TEKT5: variants seen among roughly 807,000 people sequenced by gnomAD.
TEKT5 encodes tektin-5.
Under a neutral mutation model 48.7 loss-of-function variants are expected in TEKT5, and 52 were observed. The observed-to-expected ratio is 1.07, with a 90% confidence interval of 0.86 to 1.35. TEKT5 has a LOEUF of 1.35. Ranked by LOEUF, TEKT5 falls within the 40% of genes most tolerant of loss-of-function variation. TEKT5 has a pLI of 0.00. For missense variants in TEKT5, 831 were observed against 641.6 expected (o/e 1.30, Z -3.19); for synonymous variants, 318 against 267.6 (o/e 1.19, Z -1.84).
At chr16:10,657,620 C>T (rs1413113760) in intron 5 of TEKT5, among the ~76,000 whole-genome samples, 2 of 149,018 alleles carry the variant, frequency 1.3e-5, no homozygotes, top group African/African-American at 2.5e-5. Context: ...GATGGAGTCT[C>T]GCTCAGTCAC....
At chr16:10,689,467 C>G (rs1898926419) in intron 2 of TEKT5, 144 bp from the exon 3 acceptor site, 1 of 615,422 alleles carries the variant, frequency 1.6e-6, no homozygotes, top group Admixed American at 2.9e-5. Flanking sequence ...GGCCCCGCCT[C>G]AATCCACGTG....
At chr16:10,653,445 C>A (rs1181766009) in intron 5 of TEKT5, among the ~76,000 whole-genome samples, 1 of 152,226 alleles carries the variant, frequency 6.6e-6, no homozygotes, top group Non-Finnish European at 1.5e-5. Context: ...CCTTCCTGAG[C>A]CTCTCTACAG....
chr16:10,627,679 G>C lies in TEKT5; in HGVS notation c.1362C>G (p.Leu454=), dbSNP rs766542611. 24 of 1,614,048 alleles carry C rather than the reference G, an allele frequency of 1.5e-5. No homozygotes were observed. The highest frequency in any genetic ancestry group is 1.1e-5 in the Non-Finnish European group (13 of 1,180,060). Residue 454 remains leucine, a synonymous_variant, in exon 7 of 7, where the codon CTC becomes CTG. Coordinates refer to ENST00000283025, the MANE Select transcript of TEKT5 (RefSeq NM_144674.2). ...TGCAGAGGGTGTTGGCCTTGATGGC[G>C]AGCTCGTGCTCCAGCCGGCACTTGG... is the stretch of plus-strand genomic sequence containing the variant. The part of the protein sequence containing the change: ...VMTKCRLEHE[L]AIKANTLCID...
At chr16:10,660,507 C>T (rs1567230398) in intron 5 of TEKT5, among the ~76,000 whole-genome samples, 1 of 152,146 alleles carries the variant, frequency 6.6e-6, no homozygotes, top group Non-Finnish European at 1.5e-5. Flanking sequence ...ACTCAGAACC[C>T]CTGACTGCTC....
At chr16:10,676,638 G>A (rs1217629274) in intron 4 of TEKT5, among the ~76,000 whole-genome samples, 2 of 152,104 alleles carry the variant, frequency 1.3e-5, no homozygotes, top group Non-Finnish European at 2.9e-5. Context: ...GCAGGCTTTG[G>A]GCCTGCTTCT....
At chr16:10,690,484 G>C (rs558695726) in intron 1 of TEKT5, 2 of 819,862 alleles carry the variant, frequency 2.4e-6, no homozygotes, top group Non-Finnish European at 2.9e-6. Context: ...CTCTCTGCTG[G>C]TTTCCTCCTC....
intron 4 of TEKT5, among the ~76,000 whole-genome samples, chr16:10,678,908 T>G (rs1309219052): frequency 6.6e-6 from 1 of 151,908 alleles, no homozygotes; most frequent in Non-Finnish European, 1.5e-5. Context: ...CTTTCTGGAG[T>G]CTTTGTTCTC....
chr16:10,662,416 C>T (rs184235316), intron 5 of TEKT5, among the ~76,000 whole-genome samples: 3 of 152,266 alleles, frequency 2.0e-5, no homozygotes, highest in East Asian at 1.9e-4. Context: ...TCAGCAACAA[C>T]GAGGAGGCGG....
intron 5 of TEKT5, among the ~76,000 whole-genome samples, chr16:10,636,271 G>A (rs1440349271): frequency 1.2e-4 from 19 of 152,010 alleles, no homozygotes; most frequent in African/African-American, 4.3e-4. Flanking sequence ...GCTACTCGGG[G>A]GACCGAGGCA....
At chr16:10,690,712 C>A in intron 1 of TEKT5, 1 of 985,384 alleles carries the variant, frequency 1.0e-6, no homozygotes, top group Non-Finnish European at 1.2e-6. Context: ...TCATGCAGAC[C>A]TGGGCAGAGC....
chr16:10,636,381 A>G (rs951757065), intron 5 of TEKT5, among the ~76,000 whole-genome samples: 2 of 151,670 alleles, frequency 1.3e-5, no homozygotes, highest in African/African-American at 4.8e-5. Context: ...GTCTCAAAAA[A>G]AAAAAAAGGG....
intron 5 of TEKT5, among the ~76,000 whole-genome samples, chr16:10,646,637 T>C (rs1025352932): frequency 5.3e-5 from 8 of 152,024 alleles, no homozygotes; most frequent in Non-Finnish European, 7.4e-5. Flanking sequence ...CTGTATTAGC[T>C]TAAGAAAAAA....
At chr16:10,693,511 C>A (rs1361430776) in intron 1 of TEKT5, among the ~76,000 whole-genome samples, 1 of 152,240 alleles carries the variant, frequency 6.6e-6, no homozygotes, top group East Asian at 1.9e-4. Context: ...TACCAGTCAG[C>A]ACCGACATTG....
chr16:10,654,933 T>TCC (rs1898233105), intron 5 of TEKT5, among the ~76,000 whole-genome samples: 4 of 49,200 alleles, frequency 8.1e-5, no homozygotes, highest in African/African-American at 3.3e-4. Context: ...CTCCCCCCCC[T>TCC]CCCCTCCCCC....
At position 10,690,230 on chromosome 16, in the gene TEKT5, C is replaced by T. The variant is rs73513839; in HGVS notation, c.565-205G>A. On this transcript the variant is annotated intron_variant, in intron 1 of 6. Transcript: ENST00000283025. ...GCTGTGGGTTGTCATATGACCAAGGCATCCGGAGATGCAAGGCCCATGTAG... is the reference window on the plus strand; with the variant it reads ...GCTGTGGGTTGTCATATGACCAAGGTATCCGGAGATGCAAGGCCCATGTAG... 1,303 of 572,842 alleles carry T rather than the reference C, an allele frequency of 2.3e-3. 9 individuals carry two copies. The highest frequency in any genetic ancestry group is 0.022 in the African/African-American group (1,173 of 53,384). 35.5% of individuals were successfully genotyped at this position (572,842 alleles called of 1,614,324 possible).
intron 5 of TEKT5, 134 bp from the exon 6 acceptor site, chr16:10,636,052 A>G: frequency 1.5e-6 from 2 of 1,371,770 alleles, no homozygotes; most frequent in Non-Finnish European, 2.0e-6. Flanking sequence ...GGCCTTGAGC[A>G]CCTTTAGGGC....
chr16:10,635,882 T>G lies in TEKT5; in HGVS notation c.1123A>C (p.Met375Leu), dbSNP rs113800455. The part of the protein sequence containing the change: ...QEIFQAENTI[M>L]LLERSIMAKE... ...GCCATGATGGACCTTTCCAGCAGCA[T>G]GATGGTGTTCTCGGCCTGGAAGATC... Residue 375 changes from methionine (M) to leucine (L), a missense_variant, in exon 6 of 7, where the codon ATG (methionine) becomes CTG (leucine). Coordinates refer to ENST00000283025, the MANE Select transcript of TEKT5 (RefSeq NM_144674.2). 9.7e-5 allele frequency: 156 copies of G among 1,614,090 alleles called. 1 individual carries two copies. The highest frequency in any genetic ancestry group is 3.3e-4 in the Admixed American group (20 of 60,032).
At chr16:10,688,705 T>C (rs1447011688) in intron 3 of TEKT5, among the ~76,000 whole-genome samples, 1 of 152,220 alleles carries the variant, frequency 6.6e-6, no homozygotes, top group Non-Finnish European at 1.5e-5. Flanking sequence ...TTTAATTATG[T>C]GAGGGGCCCC....
chr16:10,667,495 C>T (rs1453497702), intron 5 of TEKT5, among the ~76,000 whole-genome samples: 2 of 152,202 alleles, frequency 1.3e-5, no homozygotes, highest in African/African-American at 4.8e-5. Flanking sequence ...GTCTTCTGTG[C>T]ATCACTTTCC....
Sources: gnomAD v4.1 joint callset for allele counts (sites outside exome capture counted in the v4.1 genomes callset) on GRCh38, gnomAD v4.1.1 for gene constraint, MANE v1.5 for transcripts, NCBI Gene and HGNC (gene_info 2026-07-23, HGNC 2026-07-21) for gene names.